GRID2: variants seen among roughly 807,000 people sequenced by gnomAD.
The protein encoded by GRID2 is glutamate receptor ionotropic, delta-2.
A neutral mutation model predicts 114.8 loss-of-function variants in GRID2; 33 were observed. That is an observed-to-expected ratio of 0.29 (90% confidence interval 0.22 to 0.38). The LOEUF is 0.38. GRID2 is among the 10% of genes least tolerant of loss of function. The probability of loss-of-function intolerance (pLI) is 1.00; values close to 1 mark genes in which losing one functional copy is unlikely to be tolerated. For synonymous variants in GRID2, 505 were observed against 449.9 expected (o/e 1.12, Z -1.55); for missense variants, 1,184 against 1,257.7 (o/e 0.94, Z 0.89).
intron 8 of GRID2, among the ~76,000 whole-genome samples, chr4:93,331,816 G>T (rs1421107983): frequency 2.0e-5 from 3 of 152,012 alleles, no homozygotes; most frequent in Non-Finnish European, 4.4e-5. Flanking sequence ...GTTCTTAAAA[G>T]GGTTCAGTTA....
At chr4:92,961,180 TTC>T (rs757846805) in intron 2 of GRID2, among the ~76,000 whole-genome samples, 5 of 151,942 alleles carry the variant, frequency 3.3e-5, no homozygotes, top group African/African-American at 4.8e-5. Context: ...AAAACATTGT[TTC>T]TGTTATTAAT....
intron 4 of GRID2, among the ~76,000 whole-genome samples, chr4:93,159,534 T>C (rs1737485568): frequency 1.3e-5 from 2 of 151,768 alleles, no homozygotes; most frequent in Non-Finnish European, 2.9e-5. Flanking sequence ...ATTTATCTCA[T>C]TTATCTTTTT....
chr4:92,982,045 A>AAG (rs1304096856), intron 2 of GRID2, among the ~76,000 whole-genome samples: 1 of 108,864 alleles, frequency 9.2e-6, no homozygotes, highest in African/African-American at 3.1e-5. Flanking sequence ...AAAAAAAAAA[A>AAG]GAAAAAGAAA....
intron 2 of GRID2, among the ~76,000 whole-genome samples, chr4:92,965,398 A>C (rs1753072712): frequency 1.4e-5 from 2 of 146,054 alleles, no homozygotes; most frequent in Non-Finnish European, 3.0e-5. Flanking sequence ...CTGTTGGAAA[A>C]ATTGTGCAAA....
intron 4 of GRID2, among the ~76,000 whole-genome samples, chr4:93,146,988 T>C (rs973432043): frequency 1.4e-4 from 22 of 152,188 alleles, no homozygotes; most frequent in Admixed American, 1.3e-3. Flanking sequence ...TTTTTGAATG[T>C]AGAATGATTG....
At chr4:92,976,064 T>C (rs1473609713) in intron 2 of GRID2, among the ~76,000 whole-genome samples, 1 of 152,082 alleles carries the variant, frequency 6.6e-6, no homozygotes, top group African/African-American at 2.4e-5. Flanking sequence ...TTACCATATA[T>C]AAGCAGAGAA....
chr4:92,726,505 A>T (rs1256630274), intron 2 of GRID2, among the ~76,000 whole-genome samples: 1 of 152,164 alleles, frequency 6.6e-6, no homozygotes, highest in Non-Finnish European at 1.5e-5. Flanking sequence ...AAAGAAATGC[A>T]ACCTTAAAAA....
Position 93,524,785 on chromosome 4 carries a change from GTATATA to G in GRID2, c.2193+9398_2193+9403del, listed in dbSNP as rs772724087. Among the ~76,000 whole-genome samples the G allele has an allele frequency of 1.3e-3, 113 of 87,376 alleles. 1 individual carries two copies. The highest frequency in any genetic ancestry group is 4.5e-3 in the African/African-American group (100 of 22,388). The allele number at this position is 87,376 out of a possible 152,430, so 57.3% of individuals were successfully genotyped here. A position where few individuals can be genotyped will look rare whatever the true frequency, so the allele number is the denominator to read the frequency against. On this transcript the variant is annotated intron_variant, in intron 13 of 15. Coordinates refer to ENST00000282020, the MANE Select transcript of GRID2 (RefSeq NM_001510.4). ...CAAGAAAAAATATATGTATGTATGT[GTATATA>G]TATATATATATATATATATATATGT...
At chr4:93,336,854 T>A (rs1184186811) in intron 8 of GRID2, among the ~76,000 whole-genome samples, 1 of 152,120 alleles carries the variant, frequency 6.6e-6, no homozygotes, top group Non-Finnish European at 1.5e-5. Context: ...TCTATTTCTT[T>A]GTTTGGTTCT....
At chr4:93,165,205 C>T (rs35764687) in intron 4 of GRID2, among the ~76,000 whole-genome samples, 9,692 of 151,952 alleles carry the variant, frequency 0.064, 906 homozygotes, top group African/African-American at 0.2. Flanking sequence ...ACTGTTAGTC[C>T]TCAGACTTGG....
chr4:93,620,019 T>G (rs939319307), intron 13 of GRID2, among the ~76,000 whole-genome samples: 1 of 152,186 alleles, frequency 6.6e-6, no homozygotes, highest in Non-Finnish European at 1.5e-5. Context: ...GATCTCACAT[T>G]CCAAATCTAC....
At chr4:93,101,712 G>A (rs1324341387) in intron 3 of GRID2, among the ~76,000 whole-genome samples, 24 of 151,774 alleles carry the variant, frequency 1.6e-4, no homozygotes, top group Admixed American at 1.5e-3. Flanking sequence ...ATTATTTTAC[G>A]TGATTTAATA....
intron 2 of GRID2, among the ~76,000 whole-genome samples, chr4:92,766,353 A>G (rs1461708002): frequency 6.6e-6 from 1 of 152,076 alleles, no homozygotes; most frequent in African/African-American, 2.4e-5. Flanking sequence ...CCTGGCTAAC[A>G]TGGTGAAACC....
chr4:92,797,809 G>C (rs1739964328), intron 2 of GRID2, among the ~76,000 whole-genome samples: 1 of 151,708 alleles, frequency 6.6e-6, no homozygotes, highest in Non-Finnish European at 1.5e-5. Flanking sequence ...CTGGACCTAT[G>C]CAATTGAAAC....
chr4:93,630,455 A>C (rs968645181), intron 14 of GRID2, among the ~76,000 whole-genome samples: 2 of 152,202 alleles, frequency 1.3e-5, no homozygotes, highest in African/African-American at 4.8e-5. Flanking sequence ...GAAAGCTAAA[A>C]AGATAACCAA....
chr4:93,061,779 A>G (rs1399332763), intron 2 of GRID2, among the ~76,000 whole-genome samples: 1 of 152,158 alleles, frequency 6.6e-6, no homozygotes. Flanking sequence ...TGCTTTTTAA[A>G]TGACAGCTAA....
chr4:92,881,963 C>G (rs1288768541), intron 2 of GRID2, among the ~76,000 whole-genome samples: 2 of 152,034 alleles, frequency 1.3e-5, no homozygotes, highest in African/African-American at 4.8e-5. Flanking sequence ...AATTAATTTT[C>G]TATACCTTTC....
At chr4:93,506,057 G>A (rs1258002402) in intron 12 of GRID2, among the ~76,000 whole-genome samples, 8 of 152,114 alleles carry the variant, frequency 5.3e-5, no homozygotes, top group South Asian at 2.1e-4. Context: ...ATGGCCTGCC[G>A]TGTCCACATA....
intron 14 of GRID2, among the ~76,000 whole-genome samples, chr4:93,694,123 C>T (rs1047061281): frequency 6.6e-6 from 1 of 152,134 alleles, no homozygotes; most frequent in Non-Finnish European, 1.5e-5. Flanking sequence ...GTTTATAAGA[C>T]GTGTGGTTTG....
Sources: allele counts gnomAD v4.1 joint callset (sites outside exome capture counted in the v4.1 genomes callset), GRCh38; gene constraint gnomAD v4.1.1; transcripts MANE v1.5; gene names NCBI Gene and HGNC (gene_info 2026-07-23, HGNC 2026-07-21).